The following RAPGEF6 variants were observed in gnomAD, a reference collection of about 807,000 sequenced individuals.
RAPGEF6 encodes the protein PDZ domain containing guanine nucleotide exchange factor (GEF) 2.
RAPGEF6 carries 56 observed loss-of-function variants against 171.4 expected under a neutral mutation model. That is an observed-to-expected ratio of 0.33 (90% confidence interval 0.26 to 0.41). The LOEUF (loss-of-function observed/expected upper bound fraction) is 0.41. Among genes scored for constraint, RAPGEF6 ranks in the 10% least tolerant of loss-of-function variants. The pLI is 1.00. For missense variants in RAPGEF6, 1,674 were observed against 1,921.4 expected, an observed-to-expected ratio of 0.87 and a Z score of 2.41; for synonymous variants, 692 against 650.1, an observed-to-expected ratio of 1.06 and a Z score of -0.98.
chr5:131,567,815 G>C (rs1275991361), intron 4 of RAPGEF6, among the ~76,000 whole-genome samples: 1 of 152,140 alleles, frequency 6.6e-6, no homozygotes, highest in Non-Finnish European at 1.5e-5. Flanking sequence ...AACTATAATA[G>C]TTGAACTCCT....
At chr5:131,547,053 G>T (rs761531636) in intron 6 of RAPGEF6, among the ~76,000 whole-genome samples, 33 of 152,152 alleles carry the variant, frequency 2.2e-4, no homozygotes, top group Non-Finnish European at 4.1e-4. Context: ...CCTTGTTGTG[G>T]CTCTGGATAT....
intron 1 of RAPGEF6, among the ~76,000 whole-genome samples, chr5:131,621,702 A>C (rs1389127305): frequency 6.6e-6 from 1 of 152,164 alleles, no homozygotes; most frequent in African/African-American, 2.4e-5. Flanking sequence ...AGCAAGAAAA[A>C]TGTCTGTACC....
At chr5:131,609,067 C>T (rs1261722649) in intron 1 of RAPGEF6, among the ~76,000 whole-genome samples, 4 of 152,210 alleles carry the variant, frequency 2.6e-5, no homozygotes, top group Non-Finnish European at 2.9e-5. Context: ...AGATTACAGG[C>T]GTGAGCCACT....
rs1765913261 is a variant in RAPGEF6, at chr5:131,626,105, C to G, written c.69+8857G>C. ...TCCAAATTTCTGAAATTATCCAAAC[C>G]CTGCTAGTACGTCCAGCTTCATCAT... On this transcript the variant is annotated intron_variant, in intron 1 of 27. Transcript: ENST00000509018. Among the ~76,000 whole-genome samples the G allele has an allele frequency of 1.3e-5, 2 of 152,274 alleles. 1 individual carries two copies. Among genetic ancestry groups the G allele is most frequent in the Middle Eastern group, 6.8e-3 (2 of 294 alleles).
At chr5:131,480,823 G>A (rs1174544334) in intron 15 of RAPGEF6, among the ~76,000 whole-genome samples, 2 of 151,492 alleles carry the variant, frequency 1.3e-5, no homozygotes, top group African/African-American at 4.9e-5. Context: ...GATTCCTCAC[G>A]GTCACATTTA....
chr5:131,566,405 C>G (rs560295700), intron 4 of RAPGEF6, among the ~76,000 whole-genome samples: 6 of 152,100 alleles, frequency 3.9e-5, no homozygotes, highest in Non-Finnish European at 7.4e-5. Flanking sequence ...AATGCCAAAC[C>G]AACCTTCCAT....
At chr5:131,460,660 T>C (rs1753857435) in intron 19 of RAPGEF6, among the ~76,000 whole-genome samples, 1 of 152,214 alleles carries the variant, frequency 6.6e-6, no homozygotes, top group African/African-American at 2.4e-5. Flanking sequence ...ACATTGCTAC[T>C]ATATGGGAGA....
intron 16 of RAPGEF6, among the ~76,000 whole-genome samples, chr5:131,476,624 C>A (rs1755114610): frequency 1.3e-5 from 2 of 152,062 alleles, no homozygotes; most frequent in Non-Finnish European, 2.9e-5. Context: ...CCATGCCCAG[C>A]TAATTTTTGT....
rs189390303 is a variant in RAPGEF6 at position 131,501,901 on chromosome 5, C to A, written c.1254+2725G>T. On this transcript the variant is annotated intron_variant, in intron 11 of 27. Transcript: ENST00000509018. ...TGTATGTGTTTATAACAAATACATA[C>A]ATATATTTCCTAGCTCTGATGAAAG... Among the ~76,000 whole-genome samples the A allele has an allele frequency of 1.3e-3, 200 of 152,202 alleles. No homozygotes were observed. In the Middle Eastern group the frequency reaches 0.014, roughly 10 times the overall value.
chr5:131,488,178 T>C (rs1285990153), intron 15 of RAPGEF6, among the ~76,000 whole-genome samples: 1 of 152,136 alleles, frequency 6.6e-6, no homozygotes, highest in Non-Finnish European at 1.5e-5. Context: ...TTCCCACTAC[T>C]CAAAGGGTTC....
intron 6 of RAPGEF6, among the ~76,000 whole-genome samples, chr5:131,545,249 T>C (rs981421097): frequency 6.6e-5 from 10 of 152,206 alleles, no homozygotes; most frequent in African/African-American, 2.2e-4. Context: ...TCTAAGAATT[T>C]AGTTAAAAAA....
chr5:131,439,101 G>C lies in RAPGEF6; in HGVS notation c.3745+480C>G, dbSNP rs115593616. Among the ~76,000 whole-genome samples, 486 of 152,136 alleles carry C rather than the reference G, an allele frequency of 3.2e-3. 6 individuals are homozygous for C. Among genetic ancestry groups the C allele is most frequent in the African/African-American group, 0.011 (477 of 41,508 alleles). On this transcript the variant is annotated intron_variant, in intron 24 of 27. Transcript: ENST00000509018. ...ATGCCTAAGTTTTAAATTGTTTGTAGAGTTGGGGTCTCATCATGTTGCCCT... is the reference window on the plus strand; with the variant it reads ...ATGCCTAAGTTTTAAATTGTTTGTACAGTTGGGGTCTCATCATGTTGCCCT...
Position 131,573,364 on chromosome 5 carries a change from C to G in RAPGEF6, c.282-11317G>C, listed in dbSNP as rs183999933. Among the ~76,000 whole-genome samples, 116 of 152,146 alleles carry G rather than the reference C, an allele frequency of 7.6e-4. 1 individual carries two copies. In the East Asian group the frequency reaches 0.019, roughly 25 times the overall value. On this transcript the variant is annotated intron_variant, in intron 4 of 27. Coordinates refer to ENST00000509018, the MANE Select transcript of RAPGEF6 (RefSeq NM_016340.6). The stretch of plus-strand genomic sequence containing the variant: ...CCCCTTTTCTCTATCAGACCTTTCC[C>G]AAATCAGCCAGCGTTTAGGGTCTTT...
chr5:131,510,994 C>T (rs1432704102), intron 7 of RAPGEF6, among the ~76,000 whole-genome samples: 2 of 152,026 alleles, frequency 1.3e-5, no homozygotes, highest in East Asian at 3.8e-4. Context: ...AAGAACAGTA[C>T]TAAAATGCAC....
chr5:131,458,695 C>T (rs1753695072), intron 19 of RAPGEF6, among the ~76,000 whole-genome samples: 1 of 152,094 alleles, frequency 6.6e-6, no homozygotes, highest in African/African-American at 2.4e-5. Flanking sequence ...GCTCTGTCAC[C>T]CAGGCTGGAG....
chr5:131,631,747 G>C (rs1766318995), intron 1 of RAPGEF6, among the ~76,000 whole-genome samples: 1 of 152,128 alleles, frequency 6.6e-6, no homozygotes, highest in Non-Finnish European at 1.5e-5. Context: ...AGAAATTAGT[G>C]ACCAGACTGG....
rs147016646 is a variant in RAPGEF6, at chr5:131,574,546, C to A, written c.282-12499G>T. On this transcript the variant is annotated intron_variant, in intron 4 of 27. Transcript: ENST00000509018. The stretch of plus-strand genomic sequence containing the variant: ...AGGCTTCAAGACCCCTTAAAACTCC[C>A]CAACTCTGGTGCCAACTTGGACAAC... 7.2e-3 allele frequency among the ~76,000 whole-genome samples: 1,093 copies of A among 152,232 alleles called. 7 individuals carry two copies. The highest frequency in any genetic ancestry group is 0.024 in the African/African-American group (1,011 of 41,520).
Position 131,603,040 on chromosome 5 carries a change from T to G in RAPGEF6, c.197+231A>C, listed in dbSNP as rs540065543. On this transcript the variant is annotated intron_variant, in intron 3 of 27. Transcript: ENST00000509018. ...AGTTGATTAGAGCCTTCTGGAAAAC[T>G]GGTATCTCTATTTTCATCTGAGTAG... 2.0e-5 allele frequency among the ~76,000 whole-genome samples: 3 copies of G among 152,338 alleles called. No individual in the cohort carries two copies. The South Asian group carries it at 6.2e-4, about 32-fold the overall frequency.
chr5:131,609,081 C>T (rs2150021670), intron 1 of RAPGEF6, among the ~76,000 whole-genome samples: 1 of 152,362 alleles, frequency 6.6e-6, no homozygotes, highest in Admixed American at 6.5e-5. Flanking sequence ...AGCCACTGCG[C>T]CCAGCCTGCC....
Sources: allele counts gnomAD v4.1 joint callset (sites outside exome capture counted in the v4.1 genomes callset), GRCh38; gene constraint gnomAD v4.1.1; transcripts MANE v1.5; gene names NCBI Gene and HGNC (gene_info 2026-07-23, HGNC 2026-07-21).